The following ARMC9 variants were observed in gnomAD, a reference collection of about 807,000 sequenced individuals.
ARMC9 encodes lisH domain-containing protein ARMC9.
In ARMC9, 94 loss-of-function variants were observed where a neutral mutation model predicts 107.0. The observed-to-expected ratio is 0.88, with a 90% CI of 0.74 to 1.04. The LOEUF (loss-of-function observed/expected upper bound fraction) is 1.04. Among genes scored for constraint, ARMC9 ranks in the 50% least tolerant of loss-of-function variants. ARMC9 has a pLI of 0.00. For missense variants in ARMC9, 942 were observed against 1,030.1 expected, an observed-to-expected ratio of 0.91 and a Z score of 1.17; for synonymous variants, 380 against 396.9, an observed-to-expected ratio of 0.96 and a Z score of 0.51.
intron 2 of ARMC9, 79 bp downstream of exon 2, chr2:231,206,368 A>C (rs2125306073): frequency 8.6e-7 from 1 of 1,156,696 alleles, no homozygotes; most frequent in Non-Finnish European, 1.3e-6. Flanking sequence ...CAAACTATTT[A>C]GTGCCTTGTA....
chr2:231,279,003 G>A (rs989096189), intron 16 of ARMC9, among the ~76,000 whole-genome samples: 7 of 152,144 alleles, frequency 4.6e-5, no homozygotes, highest in Non-Finnish European at 1.0e-4. Context: ...TATCCAGCCT[G>A]TACACTTCGA....
At chr2:231,237,775 A>ATT in intron 8 of ARMC9, among the ~76,000 whole-genome samples, 1 of 40,780 alleles carries the variant, frequency 2.5e-5, no homozygotes, top group Non-Finnish European at 4.8e-5. Context: ...ATATATATAT[A>ATT]TATATATTTT....
intron 19 of ARMC9, among the ~76,000 whole-genome samples, chr2:231,328,710 A>G (rs771656002): frequency 3.9e-5 from 6 of 152,094 alleles, no homozygotes; most frequent in Middle Eastern, 3.4e-3. Context: ...TACCAGTAGC[A>G]TACAATCTGG....
In ARMC9 at chr2:231,355,227, T is replaced by C. The variant is rs561988504; in HGVS notation, c.1995-571T>C. On this transcript the variant is annotated intron_variant, in intron 21 of 24. Coordinates refer to ENST00000611582, the MANE Select transcript of ARMC9 (RefSeq NM_001352754.2). The stretch of plus-strand genomic sequence containing the variant: ...GGAGGCGCCCATCTGTAGTCCCAGC[T>C]ACTCCAGAGGCTGAGATGGGAGGAT... Among the ~76,000 whole-genome samples the C allele has an allele frequency of 3.3e-5, 5 of 152,236 alleles. No individual in the cohort carries two copies. In the South Asian group the frequency reaches 1.0e-3, roughly 32 times the overall value.
Position 231,374,016 on chromosome 2 carries a change from C to T in ARMC9, c.*2481C>T, listed in dbSNP as rs2046120725. On this transcript the variant is annotated 3_prime_UTR_variant, in exon 25 of 25. Transcript: ENST00000611582. ...CCCTGGGAGAGTACACTCCTGGGCT[C>T]ACGCCTCTGCATTCCAAGGCTGACA... 1.3e-5 allele frequency: 2 copies of T among 152,294 alleles called. No homozygotes were observed. The highest frequency in any genetic ancestry group is 6.5e-5 in the Admixed American group (1 of 15,296). The allele number at this position is 152,294 out of a possible 1,614,324, so 9.4% of individuals were successfully genotyped here.
chr2:231,330,251 G>A (rs1417724823), intron 19 of ARMC9, among the ~76,000 whole-genome samples: 17 of 140,732 alleles, frequency 1.2e-4, no homozygotes, highest in African/African-American at 4.0e-4. Flanking sequence ...TTTTTGAGAC[G>A]GAATCTCGCT....
chr2:231,312,143 G>A (rs1485868944), intron 19 of ARMC9, among the ~76,000 whole-genome samples: 2 of 152,172 alleles, frequency 1.3e-5, no homozygotes, highest in Non-Finnish European at 2.9e-5. Context: ...GTTTCACCTG[G>A]ACTTACTCAT....
rs182875020 is a variant in ARMC9, at chr2:231,217,614, G to A, written c.504+821G>A. Among the ~76,000 whole-genome samples the A allele has an allele frequency of 1.5e-3, 231 of 151,584 alleles. 1 individual carries two copies. Among genetic ancestry groups the A allele is most frequent in the African/African-American group, 5.5e-3 (226 of 41,360 alleles). On this transcript the variant is annotated intron_variant, in intron 5 of 24. Coordinates refer to ENST00000611582, the MANE Select transcript of ARMC9 (RefSeq NM_001352754.2). ...AGAAAGCAAGGATTCTCACCTGCTC[G>A]AATGGCAACCTAACAATTTTTACAT...
chr2:231,219,381 G>A lies in ARMC9; in HGVS notation c.504+2588G>A, dbSNP rs1574636749. 2.0e-5 allele frequency among the ~76,000 whole-genome samples: 3 copies of A among 152,242 alleles called. No individual in the cohort carries two copies. In the South Asian group the frequency reaches 6.2e-4, roughly 32 times the overall value. On this transcript the variant is annotated intron_variant, in intron 5 of 24. Transcript: ENST00000611582. ...CTCTTCTTTCAGTTCTTGTTTGACT[G>A]CAGTGTCTTTATTGCTTTCTCAGAT...
chr2:231,322,511 T>G (rs2043054903), intron 19 of ARMC9, among the ~76,000 whole-genome samples: 1 of 152,244 alleles, frequency 6.6e-6, no homozygotes, highest in Non-Finnish European at 1.5e-5. Flanking sequence ...TCTGTAAGAA[T>G]CTGAGTTTTC....
At chr2:231,294,779 T>A (rs2041246225) in intron 18 of ARMC9, 1 of 152,300 alleles carries the variant, frequency 6.6e-6, no homozygotes, top group Non-Finnish European at 1.5e-5. Flanking sequence ...TGGTGTATGC[T>A]GTTGGTGGAT....
rs564664156 is a variant in ARMC9, at chr2:231,222,389, G to T, written c.505-339G>T. Reference sequence around the variant, plus strand: ...TATGTTACGCCTCCCAGTGCTGTGCGTGCCTAGACTGTACTGAACTATTTT... The same window carrying T: ...TATGTTACGCCTCCCAGTGCTGTGCTTGCCTAGACTGTACTGAACTATTTT... On this transcript the variant is annotated intron_variant, in intron 5 of 24. Transcript: ENST00000611582. 6.6e-5 allele frequency among the ~76,000 whole-genome samples: 10 copies of T among 152,268 alleles called. No homozygotes were observed. In the East Asian group the frequency reaches 1.4e-3, roughly 21 times the overall value.
chr2:231,322,566 G>A (rs951211091), intron 19 of ARMC9, among the ~76,000 whole-genome samples: 2 of 152,156 alleles, frequency 1.3e-5, no homozygotes, highest in African/African-American at 4.8e-5. Flanking sequence ...CAGGCCAGTT[G>A]CTTAGAATCT....
At chr2:231,245,094 T>G (rs573686245) in intron 9 of ARMC9, among the ~76,000 whole-genome samples, 1 of 152,360 alleles carries the variant, frequency 6.6e-6, no homozygotes, top group East Asian at 1.9e-4. Flanking sequence ...AGAGGGTTTA[T>G]AAGGACGGTA....
At chr2:231,276,823 G>A (rs1214824242) in intron 15 of ARMC9, 48 bp downstream of exon 15, 5 of 1,601,076 alleles carry the variant, frequency 3.1e-6, no homozygotes, top group Non-Finnish European at 4.3e-6. Context: ...AAGAGATCTT[G>A]ACTCTTGAAG....
At chr2:231,209,984 T>G (rs982381156) in intron 3 of ARMC9, among the ~76,000 whole-genome samples, 1 of 152,254 alleles carries the variant, frequency 6.6e-6, no homozygotes, top group East Asian at 1.9e-4. Flanking sequence ...GCACCTGGCC[T>G]TATTATTTTA....
chr2:231,207,188 TG>T (rs2032140050), intron 2 of ARMC9, among the ~76,000 whole-genome samples: 2 of 152,066 alleles, frequency 1.3e-5, no homozygotes, highest in Admixed American at 1.3e-4. Flanking sequence ...TTCTAATTTT[TG>T]TAGAGATAGG....
At chr2:231,278,539 C>T (rs2039956110) in intron 16 of ARMC9, 81 bp downstream of exon 16, 1 of 1,284,356 alleles carries the variant, frequency 7.8e-7, no homozygotes, top group Non-Finnish European at 1.1e-6. Context: ...AGGCACACAG[C>T]TGGCCCAGGA....
intron 20 of ARMC9, among the ~76,000 whole-genome samples, chr2:231,339,418 A>C (rs2044356077): frequency 6.6e-6 from 1 of 152,106 alleles, no homozygotes; most frequent in Non-Finnish European, 1.5e-5. Flanking sequence ...ACAAAAGAAA[A>C]TGTTTATGTA....
Sources: gnomAD v4.1 joint callset for allele counts (sites outside exome capture counted in the v4.1 genomes callset) on GRCh38, gnomAD v4.1.1 for gene constraint, MANE v1.5 for transcripts, NCBI Gene and HGNC (gene_info 2026-07-23, HGNC 2026-07-21) for gene names.